Variants in KMT5C observed in about 807,000 individuals in gnomAD.
KMT5C encodes histone-lysine N-methyltransferase KMT5C.
In KMT5C, 16 loss-of-function variants were observed where a neutral mutation model predicts 38.2. That is an observed-to-expected ratio of 0.42 (90% CI 0.28 to 0.64). KMT5C has a LOEUF of 0.64. KMT5C is among the 30% of genes least tolerant of loss of function. The pLI is 0.23. For synonymous variants in KMT5C, 291 were observed against 279.0 expected (o/e 1.04, Z -0.43); for missense variants, 598 against 665.1 (o/e 0.90, Z 1.11).
chr19:55,346,121 C>T (rs75216878), intron 6 of KMT5C, 92 bp from the exon 7 acceptor site: 33,363 of 1,503,192 alleles, frequency 0.022, 431 homozygotes, highest in Non-Finnish European at 0.027. Flanking sequence ...CAGGAGAGGA[C>T]GCTCCGGGCC....
chr19:55,346,510 G>A lies in KMT5C; in HGVS notation c.718G>A (p.Gly240Arg), dbSNP rs771620458. 3 of 1,594,524 alleles carry A rather than the reference G, an allele frequency of 1.9e-6. No individual in the cohort carries two copies. The highest frequency in any genetic ancestry group is 2.6e-6 in the Non-Finnish European group (3 of 1,171,048). The change falls in exon 8 of 9, where the codon GGA becomes AGA. Residue 240 changes from glycine to arginine, a missense_variant. Gly to Arg is a moderately radical substitution (Grantham distance 125). Transcript: ENST00000255613. ...CACCCGGTCTCCCAGGAAAGGTGAA[G>A]GAGCTTTCCGAACCAGGCCTAGGGA... The part of the protein sequence containing the change: ...ECHTCERKGE[G>R]AFRTRPREPA...
chr19:55,345,290 G>T (rs1280434635), intron 6 of KMT5C: 3 of 352,776 alleles, frequency 8.5e-6, no homozygotes, highest in African/African-American at 2.1e-5. Flanking sequence ...CCCAGCGACG[G>T]CTTTGATCCG....
At position 55,347,468 on chromosome 19, in the gene KMT5C, C is replaced by A; in HGVS notation, c.*19C>A. The A allele has an allele frequency of 6.6e-7, 1 of 1,514,566 alleles. No individual in the cohort carries two copies. The allele number at this position is 1,514,566 out of a possible 1,614,324, so 93.8% of individuals were successfully genotyped here. On this transcript the variant is annotated 3_prime_UTR_variant, in exon 9 of 9. Transcript: ENST00000255613. The surrounding 1 kb of genome is among the most constrained non-coding windows in gnomAD (Gnocchi z 4.6). Reference sequence around the variant, plus strand: ...GCTGTGACAGGCCGGACGGGGAGGCCCAGCAGGGAGAGAGGGTCTCTCTCC... The same window carrying A: ...GCTGTGACAGGCCGGACGGGGAGGCACAGCAGGGAGAGAGGGTCTCTCTCC...
At position 55,346,693 on chromosome 19, in the gene KMT5C, C is replaced by T. The variant is rs1179256260; in HGVS notation, c.895+6C>T. 6 of 1,546,182 alleles carry T rather than the reference C, an allele frequency of 3.9e-6. No individual in the cohort carries two copies. Among genetic ancestry groups the T allele is most frequent in the Middle Eastern group, 4.2e-4 (2 of 4,786 alleles). On this transcript the variant is annotated splice_donor_region_variant and intron_variant, in intron 8 of 8. Transcript: ENST00000255613. ...GCGCCGGGACCCATTCTGCGGTGAG[C>T]ACCCCTCCCTGCCATCCCAGCAGCC...
chr19:55,346,974 G>T lies in KMT5C; in HGVS notation c.914G>T (p.Arg305Leu). Residue 305 changes from arginine to leucine, a missense_variant, in exon 9 of 9, where the codon CGC becomes CTC. Arg to Leu is a moderately radical substitution (Grantham distance 102). Coordinates refer to ENST00000255613, the MANE Select transcript of KMT5C (RefSeq NM_032701.4). The stretch of plus-strand genomic sequence containing the variant: ...TTCACAGCCGCCTGCCAGCCCCTGC[G>T]CCTGCCAGCCTGCAGCGCCCGCCCA... ...DPFCAACQPLRLPACSARPDT... is the reference protein window; with the variant it reads ...DPFCAACQPLLLPACSARPDT... 1.9e-6 allele frequency: 2 copies of T among 1,049,304 alleles called. No homozygotes were observed. The highest frequency in any genetic ancestry group is 2.9e-6 in the Non-Finnish European group (2 of 682,606). The allele number at this position is 1,049,304 out of a possible 1,614,324, so 65.0% of individuals were successfully genotyped here.
intron 6 of KMT5C, chr19:55,345,340 G>T: frequency 5.7e-6 from 2 of 349,388 alleles, no homozygotes; most frequent in South Asian, 4.3e-5. Context: ...AGCCATGGAA[G>T]CTCCCCCCAG....
chr19:55,342,034 A>G lies in KMT5C; in HGVS notation c.98A>G (p.Lys33Arg). The change falls in exon 2 of 9, where the codon AAG (lysine) becomes AGG (arginine). Residue 33 changes from lysine (K) to arginine (R), a missense_variant. Lys to Arg is a conservative substitution (Grantham distance 26, BLOSUM62 2). Transcript: ENST00000255613. ...CCCTACCTCGGTTTCCGCACCCATA[A>G]GATGAACGTCAGGTGAGGTGGCCTG... is the stretch of plus-strand genomic sequence containing the variant. ...LDPYLGFRTH[K>R]MNVSPVPPLR... 6.2e-7 allele frequency: 1 copy of G among 1,613,388 alleles called. No homozygotes were observed.
At chr19:55,346,150 T>G in intron 6 of KMT5C, 63 bp from the exon 7 acceptor site, 3 of 1,598,364 alleles carry the variant, frequency 1.9e-6, no homozygotes, top group Non-Finnish European at 2.6e-6. Context: ...CGGCCAGGTG[T>G]GGGGAGTGGG....
intron 6 of KMT5C, among the ~76,000 whole-genome samples, chr19:55,345,791 C>T (rs1295320544): frequency 1.3e-5 from 2 of 152,132 alleles, no homozygotes; most frequent in South Asian, 2.1e-4. Context: ...CTCAGAGAAG[C>T]GGGGGCGGCC....
rs561863074 is a variant in KMT5C at position 55,342,045 on chromosome 19, A to T, written c.109A>T (p.Ser37Cys). ...LGFRTHKMNVSPVPPLRRQQH... is the reference protein window; with the variant it reads ...LGFRTHKMNVCPVPPLRRQQH... Reference sequence around the variant, plus strand: ...TTTCCGCACCCATAAGATGAACGTCAGGTGAGGTGGCCTGGGGGCGAGGGT... The same window carrying T: ...TTTCCGCACCCATAAGATGAACGTCTGGTGAGGTGGCCTGGGGGCGAGGGT... The change falls in exon 2 of 9, where the codon AGC becomes TGC. Residue 37 changes from serine (S) to cysteine (C), a missense_variant and splice_region_variant. This residue lies in a region of KMT5C where 167 missense variants were observed against 187.8 expected (regional missense o/e 0.89). Transcript: ENST00000255613. The T allele has an allele frequency of 6.2e-7, 1 of 1,612,036 alleles. No homozygotes were observed. Among genetic ancestry groups the T allele is most frequent in the South Asian group, 1.1e-5 (1 of 91,072 alleles).
At position 55,346,673 on chromosome 19, in the gene KMT5C, G is replaced by A. The variant is rs749657200; in HGVS notation, c.881G>A (p.Arg294Gln). 7.5e-5 allele frequency: 117 copies of A among 1,567,574 alleles called. No individual in the cohort carries two copies. The highest frequency in any genetic ancestry group is 9.9e-5 in the Non-Finnish European group (115 of 1,157,306). Reference sequence around the variant, plus strand: ...TGCGTGCACCCATCCCCGCTGCGCCGGGACCCATTCTGCGGTGAGCACCCC... The same window carrying A: ...TGCGTGCACCCATCCCCGCTGCGCCAGGACCCATTCTGCGGTGAGCACCCC... Reference protein sequence around the residue: ...RACVHPSPLRRDPFCAACQPL... With the variant: ...RACVHPSPLRQDPFCAACQPL... The change falls in exon 8 of 9, where the codon CGG becomes CAG. Residue 294 changes from arginine to glutamine, a missense_variant. Transcript: ENST00000255613.
intron 6 of KMT5C, 89 bp from the exon 7 acceptor site, chr19:55,346,124 T>G (rs1474132659): frequency 1.3e-6 from 2 of 1,535,220 alleles, no homozygotes; most frequent in East Asian, 2.3e-5. Flanking sequence ...GAGAGGACGC[T>G]CCGGGCCAGG....
chr19:55,344,031 C>T, intron 6 of KMT5C, 34 bp downstream of exon 6: 1 of 1,604,558 alleles, frequency 6.2e-7, no homozygotes, highest in Non-Finnish European at 8.5e-7. Flanking sequence ...AGAGGGCACG[C>T]AGGAAGAAAG....
Position 55,343,990 on chromosome 19 carries a change from A to T in KMT5C, c.563A>T (p.Asn188Ile). The T allele has an allele frequency of 1.2e-6, 2 of 1,612,586 alleles. No individual in the cohort carries two copies. Among genetic ancestry groups the T allele is most frequent in the Non-Finnish European group, 1.7e-6 (2 of 1,178,798 alleles). Residue 188 changes from asparagine to isoleucine, a missense_variant, in exon 6 of 9, where the codon AAC becomes ATC. Physicochemically the swap from Asn to Ile is moderately radical, Grantham distance 149. This residue lies in a region of KMT5C where 105 missense variants were observed against 179.2 expected (regional missense o/e 0.59). Transcript: ENST00000255613. This position sits in a 1 kb window ranked among gnomAD's most constrained non-coding sequence, Gnocchi z 5.5. ...AAFINHDCKP[N>I]CKFVPADGNA... ...CAACTGGCTCCAGACTGCAAACCCA[A>T]CTGCAAGGTAAGGCCTTGGGACTCG...
rs746886195 is a variant in KMT5C at position 55,341,923 on chromosome 19, G to T, written c.-14G>T. The T allele has an allele frequency of 6.2e-7, 1 of 1,607,744 alleles. No homozygotes were observed. The highest frequency in any genetic ancestry group is 1.1e-5 in the South Asian group (1 of 90,948). On this transcript the variant is annotated 5_prime_UTR_variant, in exon 2 of 9. Coordinates refer to ENST00000255613, the MANE Select transcript of KMT5C (RefSeq NM_032701.4). ...CCTGCTCTCTGCCAGAGGCAGCATG[G>T]TCCGCAGGGCACCATGGGGCCCGAC...
intron 1 of KMT5C, among the ~76,000 whole-genome samples, chr19:55,341,031 C>T (rs760412902): frequency 1.3e-5 from 2 of 152,268 alleles, no homozygotes; most frequent in Non-Finnish European, 2.9e-5. Context: ...CTCCTCCTCT[C>T]CTGGGCGCGG....
chr19:55,346,620 C>G lies in KMT5C; in HGVS notation c.828C>G (p.Ser276Arg), dbSNP rs771727223. 1.1e-5 allele frequency: 17 copies of G among 1,572,182 alleles called. No individual in the cohort carries two copies. Among genetic ancestry groups the G allele is most frequent in the Non-Finnish European group, 1.5e-5 (17 of 1,159,602 alleles). Reference sequence around the variant, plus strand: ...TGCAGCAAGGCCTGGACAGTGGCAGCCGACAGGGCCTGCTGGGCCCTCGGG... The same window carrying G: ...TGCAGCAAGGCCTGGACAGTGGCAGGCGACAGGGCCTGCTGGGCCCTCGGG... ...RRLQQGLDSGSRQGLLGPRAC... is the reference protein window; with the variant it reads ...RRLQQGLDSGRRQGLLGPRAC... Residue 276 changes from serine to arginine, a missense_variant, in exon 8 of 9, where the codon AGC becomes AGG. Physicochemically the swap from Ser to Arg is moderately radical, Grantham distance 110. Transcript: ENST00000255613.
In KMT5C at chr19:55,347,098, C is replaced by G. The variant is rs2089629388; in HGVS notation, c.1038C>G (p.Leu346=). ...RRPRPRRAPV[L]STHHAARVSL... ...CCCGGCCCCGGAGGGCCCCAGTGCT[C>G]TCCACCCACCACGCTGCCCGCGTCT... The change falls in exon 9 of 9, where the codon CTC becomes CTG. Residue 346 remains leucine, a synonymous_variant. Coordinates refer to ENST00000255613, the MANE Select transcript of KMT5C (RefSeq NM_032701.4). The surrounding 1 kb of genome is among the most constrained non-coding windows in gnomAD (Gnocchi z 4.6). The G allele has an allele frequency of 6.4e-7, 1 of 1,564,766 alleles. No individual in the cohort carries two copies. The highest frequency in any genetic ancestry group is 8.6e-7 in the Non-Finnish European group (1 of 1,163,116).
rs955111889 is a variant in KMT5C, at chr19:55,343,379, A to T, written c.387-301A>T. 5 of 439,808 alleles carry T rather than the reference A, an allele frequency of 1.1e-5. No individual in the cohort carries two copies. The highest frequency in any genetic ancestry group is 8.2e-5 in the South Asian group (3 of 36,444). 27.2% of individuals were successfully genotyped at this position (439,808 alleles called of 1,614,324 possible). A position where few individuals can be genotyped will look rare whatever the true frequency, so the allele number is the denominator to read the frequency against. The stretch of plus-strand genomic sequence containing the variant: ...GCGAGTAGGGGGTAGTCCAGGCAGG[A>T]GGGATTTGGGGGCAGGAGGTGCTAT... On this transcript the variant is annotated intron_variant, in intron 4 of 8. Transcript: ENST00000255613. The surrounding 1 kb of genome is among the most constrained non-coding windows in gnomAD (Gnocchi z 5.5).
Sources: gnomAD v4.1 joint callset for allele counts (sites outside exome capture counted in the v4.1 genomes callset) on GRCh38, gnomAD v4.1.1 for gene constraint, gnomAD v4.1.1 regional missense constraint, Gnocchi (gnomAD v3.1) non-coding constraint, MANE v1.5 for transcripts, NCBI Gene and HGNC (gene_info 2026-07-23, HGNC 2026-07-21) for gene names.